The following HPSE2 variants were observed in gnomAD, a reference collection of about 807,000 sequenced individuals.
HPSE2 encodes the protein heparanase 2 (inactive).
A neutral mutation model predicts 60.5 loss-of-function variants in HPSE2; 38 were observed. The ratio of observed to expected loss-of-function variants is 0.63; its 90% confidence interval spans 0.48 to 0.82. The LOEUF is 0.82. Among genes scored for constraint, HPSE2 ranks in the 40% least tolerant of loss-of-function variants. HPSE2 has a pLI of 0.00. For missense variants in HPSE2, 713 were observed against 740.4 expected (o/e 0.96, Z 0.43); for synonymous variants, 295 against 293.2 (o/e 1.01, Z -0.06).
At chr10:98,657,698 T>A (rs1383382021) in intron 6 of HPSE2, among the ~76,000 whole-genome samples, 1 of 152,228 alleles carries the variant, frequency 6.6e-6, no homozygotes, top group Admixed American at 6.5e-5. Flanking sequence ...GTTCTCTTAT[T>A]AAGTTTAAAA....
chr10:98,551,940 T>A (rs559753531), intron 9 of HPSE2, among the ~76,000 whole-genome samples: 29 of 152,140 alleles, frequency 1.9e-4, no homozygotes, highest in Non-Finnish European at 3.7e-4. Context: ...AGCCTAGGAA[T>A]CTTTATCATT....
chr10:98,628,321 A>C (rs1369803372), intron 7 of HPSE2, among the ~76,000 whole-genome samples: 1 of 152,112 alleles, frequency 6.6e-6, no homozygotes, highest in Non-Finnish European at 1.5e-5. Flanking sequence ...AAATTAGGAG[A>C]AACAGATGGA....
At chr10:98,834,346 T>C (rs978646746) in intron 3 of HPSE2, among the ~76,000 whole-genome samples, 1 of 152,134 alleles carries the variant, frequency 6.6e-6, no homozygotes, top group Non-Finnish European at 1.5e-5. Context: ...AGAGAACCAA[T>C]TCATTATCTT....
At chr10:98,466,853 G>C (rs17109942) in intron 11 of HPSE2, among the ~76,000 whole-genome samples, 10,511 of 152,106 alleles carry the variant, frequency 0.069, 1,032 homozygotes, top group African/African-American at 0.22. Flanking sequence ...CCATGATATT[G>C]ACCTGTCTAA....
At chr10:98,943,017 T>G (rs1248306890) in intron 3 of HPSE2, among the ~76,000 whole-genome samples, 2 of 136,232 alleles carry the variant, frequency 1.5e-5, no homozygotes, top group African/African-American at 2.8e-5. Context: ...CACTCATAGG[T>G]GGGAATTGAA....
At chr10:99,119,732 T>C (rs1844870315) in intron 3 of HPSE2, among the ~76,000 whole-genome samples, 1 of 152,160 alleles carries the variant, frequency 6.6e-6, no homozygotes, top group African/African-American at 2.4e-5. Flanking sequence ...ATCATGGCAC[T>C]GGTACAAAAA....
chr10:99,097,455 C>A (rs1564803641), intron 3 of HPSE2, among the ~76,000 whole-genome samples: 1 of 152,076 alleles, frequency 6.6e-6, no homozygotes, highest in Non-Finnish European at 1.5e-5. Context: ...AAATAACTGA[C>A]CTGGCCCAAT....
chr10:99,028,796 C>G (rs1957434334), intron 3 of HPSE2, among the ~76,000 whole-genome samples: 1 of 152,068 alleles, frequency 6.6e-6, no homozygotes. Flanking sequence ...ACGCATAGAT[C>G]AATGGAACAG....
intron 3 of HPSE2, among the ~76,000 whole-genome samples, chr10:99,030,832 A>G (rs1475626679): frequency 6.6e-6 from 1 of 152,222 alleles, no homozygotes; most frequent in African/African-American, 2.4e-5. Context: ...CATCTGCAAT[A>G]ACACGGATGA....
chr10:99,092,579 G>C (rs147737070), intron 3 of HPSE2, among the ~76,000 whole-genome samples: 182 of 152,272 alleles, frequency 1.2e-3, no homozygotes, highest in African/African-American at 4.3e-3. Flanking sequence ...CAAAATATCT[G>C]CAAGCATAAT....
At chr10:98,981,671 G>T (rs1470766677) in intron 3 of HPSE2, among the ~76,000 whole-genome samples, 2 of 151,998 alleles carry the variant, frequency 1.3e-5, no homozygotes, top group African/African-American at 4.8e-5. Flanking sequence ...CTAGCTTCTT[G>T]TCCAATTGAT....
At chr10:98,775,315 C>T (rs2134433206) in intron 3 of HPSE2, among the ~76,000 whole-genome samples, 1 of 152,246 alleles carries the variant, frequency 6.6e-6, no homozygotes, top group Non-Finnish European at 1.5e-5. Flanking sequence ...TGGGATTGAA[C>T]CAAGTAATGA....
chr10:98,985,571 A>C (rs552104269), intron 3 of HPSE2, among the ~76,000 whole-genome samples: 11 of 152,352 alleles, frequency 7.2e-5, no homozygotes, highest in East Asian at 5.8e-4. Context: ...GGCTAGGAAG[A>C]AACTGCATCA....
intron 3 of HPSE2, among the ~76,000 whole-genome samples, chr10:99,140,348 T>C (rs1305639924): frequency 6.6e-6 from 1 of 152,190 alleles, no homozygotes. Context: ...AAAGGAATAT[T>C]AGAAAGTGTC....
At chr10:98,728,453 A>T (rs1243319603) in intron 4 of HPSE2, among the ~76,000 whole-genome samples, 1 of 152,084 alleles carries the variant, frequency 6.6e-6, no homozygotes, top group East Asian at 1.9e-4. Context: ...CCCTGTCTCT[A>T]CTAAAAATAC....
chr10:98,821,955 G>C (rs1042108809), intron 3 of HPSE2, among the ~76,000 whole-genome samples: 1 of 152,030 alleles, frequency 6.6e-6, no homozygotes, highest in African/African-American at 2.4e-5. Flanking sequence ...GCTCAGTCTT[G>C]GGCATCATAT....
intron 3 of HPSE2, chr10:99,013,984 C>A: frequency 2.7e-6 from 1 of 364,196 alleles, no homozygotes; most frequent in Non-Finnish European, 5.7e-6. Flanking sequence ...TCCAGACACC[C>A]AGACCGCCTG....
intron 5 of HPSE2, 28 bp from the exon 6 acceptor site, chr10:98,693,975 T>C (rs369553768): frequency 1.8e-5 from 28 of 1,566,134 alleles, no homozygotes; most frequent in Non-Finnish European, 2.5e-5. Context: ...AAAAAAGATA[T>C]TACAACTTAG....
At chr10:99,156,631 C>T (rs1846575195) in intron 2 of HPSE2, among the ~76,000 whole-genome samples, 2 of 108,354 alleles carry the variant, frequency 1.8e-5, no homozygotes, top group South Asian at 7.2e-4. Context: ...ATGACAAACC[C>T]ACAGCGAATA....
Sources: gnomAD v4.1 joint callset for allele counts (sites outside exome capture counted in the v4.1 genomes callset) on GRCh38, gnomAD v4.1.1 for gene constraint, MANE v1.5 for transcripts, NCBI Gene and HGNC (gene_info 2026-07-23, HGNC 2026-07-21) for gene names.